Variants in RSRC1 observed in about 807,000 individuals in gnomAD.
The protein encoded by RSRC1 is arginine and serine rich coiled-coil 1, also known as serine/Arginine-related protein 53.
In RSRC1, 39 loss-of-function variants were observed where a neutral mutation model predicts 49.1. The ratio of observed to expected loss-of-function variants is 0.79; its 90% CI spans 0.61 to 1.04. The LOEUF (loss-of-function observed/expected upper bound fraction) is 1.04, where lower values mean the gene tolerates loss of function less well. RSRC1 is among the 50% of genes least tolerant of loss of function. The pLI is 0.00. For missense variants in RSRC1, 388 were observed against 402.4 expected (o/e 0.96, Z 0.31); for synonymous variants, 143 against 130.8 (o/e 1.09, Z -0.63).
At chr3:158,149,248 A>G (rs982655259) in intron 3 of RSRC1, among the ~76,000 whole-genome samples, 1 of 152,040 alleles carries the variant, frequency 6.6e-6, no homozygotes, top group South Asian at 2.1e-4. Flanking sequence ...TGATATTTCT[A>G]TTTTAGCTTT....
chr3:158,403,079 A>G (rs1311296580), intron 6 of RSRC1, among the ~76,000 whole-genome samples: 1 of 151,838 alleles, frequency 6.6e-6, no homozygotes, highest in African/African-American at 2.4e-5. Flanking sequence ...TTGAGTCCCA[A>G]TAAGACAGTC....
intron 3 of RSRC1, among the ~76,000 whole-genome samples, chr3:158,129,578 A>G (rs1715876220): frequency 6.6e-6 from 1 of 152,080 alleles, no homozygotes; most frequent in Non-Finnish European, 1.5e-5. Context: ...AGCATAAGCC[A>G]CCGCGCCTGG....
rs1178450704 is a variant in RSRC1, at chr3:158,424,873, G to C, written c.584-36062G>C. On this transcript the variant is annotated intron_variant, in intron 6 of 9. Coordinates refer to ENST00000611884, the MANE Select transcript of RSRC1 (RefSeq NM_001271838.2). ...TTTTCTAGTTTATTTGCGTAGACGT[G>C]TTTGTAGTATTCTCTGATGGTAGTT... Among the ~76,000 whole-genome samples, 4 of 152,164 alleles carry C rather than the reference G, an allele frequency of 2.6e-5. 1 individual carries two copies. The East Asian group carries it at 7.7e-4, about 29-fold the overall frequency.
chr3:158,114,217 C>G (rs1714631706), intron 1 of RSRC1, among the ~76,000 whole-genome samples: 1 of 152,160 alleles, frequency 6.6e-6, no homozygotes, highest in Non-Finnish European at 1.5e-5. Context: ...CTACATATGG[C>G]TAGCCAGTTC....
At chr3:158,221,036 T>C (rs1241317733) in intron 4 of RSRC1, among the ~76,000 whole-genome samples, 1 of 151,622 alleles carries the variant, frequency 6.6e-6, no homozygotes, top group African/African-American at 2.4e-5. Flanking sequence ...AGTATTGATT[T>C]CTGAAAATTT....
Position 158,513,052 on chromosome 3 carries a change from C to T in RSRC1, c.653-24040C>T, listed in dbSNP as rs1020391207. Among the ~76,000 whole-genome samples, 226 of 138,108 alleles carry T rather than the reference C, an allele frequency of 1.6e-3. 1 individual carries two copies. Among genetic ancestry groups the T allele is most frequent in the African/African-American group, 6.0e-3 (217 of 36,028 alleles). The allele number at this position is 138,108 out of a possible 152,430, so 90.6% of individuals were successfully genotyped here. On this transcript the variant is annotated intron_variant, in intron 7 of 9. Coordinates refer to ENST00000611884, the MANE Select transcript of RSRC1 (RefSeq NM_001271838.2). ...GGGTTTTCTAGATATACAATCATGT[C>T]GTCTGCAAACAGGGACAATTTGACT... is the stretch of plus-strand genomic sequence containing the variant.
chr3:158,399,021 C>G (rs1733756247), intron 6 of RSRC1, among the ~76,000 whole-genome samples: 1 of 151,036 alleles, frequency 6.6e-6, no homozygotes. Context: ...TTCACTGAAC[C>G]CAGAAGAGGG....
chr3:158,527,828 CT>C (rs1712138298), intron 7 of RSRC1, among the ~76,000 whole-genome samples: 1 of 151,930 alleles, frequency 6.6e-6, no homozygotes, highest in African/African-American at 2.4e-5. Flanking sequence ...TAATATTCCT[CT>C]TTTCCCTAAT....
intron 7 of RSRC1, among the ~76,000 whole-genome samples, chr3:158,529,214 G>GTGTATATATATATATATATATA (rs374368016): frequency 7.7e-5 from 11 of 143,126 alleles, no homozygotes; most frequent in African/African-American, 2.9e-4. Flanking sequence ...ATGTGTGTGT[G>GTGTATATATATATATATATATA]TATATATATA....
At chr3:158,389,244 A>G (rs1454355953) in intron 6 of RSRC1, among the ~76,000 whole-genome samples, 2 of 152,220 alleles carry the variant, frequency 1.3e-5, no homozygotes, top group African/African-American at 2.4e-5. Flanking sequence ...TAGTTTTACC[A>G]TAAAGAAAAG....
intron 4 of RSRC1, among the ~76,000 whole-genome samples, chr3:158,220,261 G>GT (rs1722159203): frequency 6.6e-6 from 1 of 151,588 alleles, no homozygotes; most frequent in Non-Finnish European, 1.5e-5. Context: ...AGGTAGTTAA[G>GT]TGAAAGTAGA....
intron 6 of RSRC1, among the ~76,000 whole-genome samples, chr3:158,355,716 A>C (rs1731119068): frequency 6.6e-6 from 1 of 151,968 alleles, no homozygotes; most frequent in Admixed American, 6.6e-5. Context: ...TTGAATCTTA[A>C]TGTGCTCTTC....
At chr3:158,443,362 G>C (rs1382386168) in intron 6 of RSRC1, among the ~76,000 whole-genome samples, 1 of 152,096 alleles carries the variant, frequency 6.6e-6, no homozygotes, top group Non-Finnish European at 1.5e-5. Flanking sequence ...AGATCTTCTG[G>C]ATCACTTGCA....
At chr3:158,431,223 G>A (rs2108357652) in intron 6 of RSRC1, among the ~76,000 whole-genome samples, 1 of 151,514 alleles carries the variant, frequency 6.6e-6, no homozygotes, top group Admixed American at 6.6e-5. Context: ...GATGTCATCA[G>A]CTTGGTATTC....
chr3:158,493,320 G>A (rs1275033504), intron 7 of RSRC1, among the ~76,000 whole-genome samples: 1 of 152,038 alleles, frequency 6.6e-6, no homozygotes, highest in East Asian at 1.9e-4. Flanking sequence ...ATCAGGTCCT[G>A]TACTCATGTT....
chr3:158,527,077 C>CTTTTTTTTTTTTTTTTTT, intron 7 of RSRC1, among the ~76,000 whole-genome samples: 1 of 110,180 alleles, frequency 9.1e-6, no homozygotes, highest in Non-Finnish European at 1.8e-5. Context: ...AGTTCAAAAT[C>CTTTTTTTTTTTTTTTTTT]TTTTTTTTTT....
chr3:158,442,142 T>G (rs1276438764), intron 6 of RSRC1, among the ~76,000 whole-genome samples: 3 of 152,114 alleles, frequency 2.0e-5, no homozygotes, highest in African/African-American at 7.2e-5. Flanking sequence ...CACCTTGATG[T>G]TTATGGCTGC....
Position 158,176,846 on chromosome 3 carries a change from G to T in RSRC1, c.321-26226G>T, listed in dbSNP as rs149298719. On this transcript the variant is annotated intron_variant, in intron 3 of 9. Transcript: ENST00000611884. ...TGCACGGCAAAAGAAACTACCATTA[G>T]AGTGAACAGGCAACCTACAGAATGG... Among the ~76,000 whole-genome samples, 811 of 152,272 alleles carry T rather than the reference G, an allele frequency of 5.3e-3. 6 individuals are homozygous for T. Among genetic ancestry groups the T allele is most frequent in the African/African-American group, 0.019 (775 of 41,550 alleles).
chr3:158,346,563 T>C (rs954696121), intron 5 of RSRC1, among the ~76,000 whole-genome samples: 8 of 152,190 alleles, frequency 5.3e-5, no homozygotes, highest in Non-Finnish European at 7.4e-5. Flanking sequence ...TAGGGAAATA[T>C]AGACCACAAT....
Sources: allele counts gnomAD v4.1 joint callset (sites outside exome capture counted in the v4.1 genomes callset), GRCh38; gene constraint gnomAD v4.1.1; transcripts MANE v1.5; gene names NCBI Gene and HGNC (gene_info 2026-07-23, HGNC 2026-07-21).